The following GPT variants were observed in gnomAD, a reference collection of about 807,000 sequenced individuals.
GPT encodes the protein glutamic--pyruvic transaminase, also known as alanine aminotransferase 1.
GPT carries 60 observed loss-of-function variants against 51.4 expected under a neutral mutation model. That is an observed-to-expected ratio of 1.17 (90% CI 0.95 to 1.45). The LOEUF (loss-of-function observed/expected upper bound fraction) is 1.45. Among genes scored for constraint, GPT ranks in the 40% most tolerant of loss-of-function variants. The pLI, the probability that GPT is intolerant of heterozygous loss-of-function variation, is 0.00. For synonymous variants in GPT, 397 were observed against 303.1 expected (o/e 1.31, Z -3.22); for missense variants, 853 against 704.0 (o/e 1.21, Z -2.40).
rs369193887 is a variant in GPT at position 144,506,923 on chromosome 8, C to T, written c.1414C>T (p.Pro472Ser). Residue 472 changes from proline (P) to serine (S), a missense_variant, in exon 11 of 11, where the codon CCC (proline) becomes TCC (serine). Coordinates refer to ENST00000394955, the MANE Select transcript of GPT (RefSeq NM_005309.3). The surrounding 1 kb of genome is among the most constrained non-coding windows in gnomAD (Gnocchi z 7.0). ...AACTCCTTTCAGGATGACCATTCTG[C>T]CCCCCTTGGAGAAACTGCGGCTGCT... is the stretch of plus-strand genomic sequence containing the variant. ...GTYHFRMTIL[P>S]PLEKLRLLLE... is the part of the protein sequence containing the mutation. 12 of 1,612,788 alleles carry T rather than the reference C, an allele frequency of 7.4e-6. No homozygotes were observed. Among genetic ancestry groups the T allele is most frequent in the Non-Finnish European group, 1.0e-5 (12 of 1,179,798 alleles).
intron 5 of GPT, 62 bp from the exon 6 acceptor site, chr8:144,505,786 C>T: frequency 1.3e-6 from 2 of 1,484,030 alleles, no homozygotes; most frequent in Admixed American, 2.0e-5. Flanking sequence ...ACCCCGGCTG[C>T]CCAGCGGAGG....
rs1181886639 is a variant in GPT at position 144,507,052 on chromosome 8, C to A, written c.*52C>A. ...CGCCCTGGACTGTGTGCTCAGGAGC[C>A]CTGGGAGGCTCTGGAGCCCACTGTA... is the stretch of plus-strand genomic sequence containing the variant. On this transcript the variant is annotated 3_prime_UTR_variant, in exon 11 of 11. Coordinates refer to ENST00000394955, the MANE Select transcript of GPT (RefSeq NM_005309.3). The A allele has an allele frequency of 2.9e-6, 3 of 1,037,612 alleles. No homozygotes were observed. In the South Asian group the frequency reaches 3.7e-5, roughly 13 times the overall value. 64.3% of individuals were successfully genotyped at this position (1,037,612 alleles called of 1,614,324 possible).
At chr8:144,505,224 G>C in intron 4 of GPT, 22 bp from the exon 5 acceptor site, 1 of 1,611,006 alleles carries the variant, frequency 6.2e-7, no homozygotes, top group Non-Finnish European at 8.5e-7. Context: ...CGCCAACCCT[G>C]CCTTCCCCTT....
chr8:144,504,405 A>G lies in GPT; in HGVS notation c.101A>G (p.Glu34Gly), dbSNP rs753986303. Residue 34 changes from glutamate to glycine, a missense_variant, in exon 1 of 11, where the codon GAG becomes GGG. Coordinates refer to ENST00000394955, the MANE Select transcript of GPT (RefSeq NM_005309.3). The part of the protein sequence containing the change: ...DGMNPRVRRV[E>G]YAVRGPIVQR... ...ATGAACCCGCGTGTGCGGAGAGTGGAGTACGCAGTGCGTGGCCCCATAGTG... is the reference window on the plus strand; with the variant it reads ...ATGAACCCGCGTGTGCGGAGAGTGGGGTACGCAGTGCGTGGCCCCATAGTG... 3.7e-6 allele frequency: 6 copies of G among 1,611,586 alleles called. No individual in the cohort carries two copies. Among genetic ancestry groups the G allele is most frequent in the Non-Finnish European group, 5.1e-6 (6 of 1,179,952 alleles).
chr8:144,504,254 T>C lies in GPT; in HGVS notation c.-51T>C, dbSNP rs749227363. 2.5e-6 allele frequency: 4 copies of C among 1,589,702 alleles called. No individual in the cohort carries two copies. In the African/African-American group the frequency reaches 5.4e-5, roughly 21 times the overall value. ...AGACCCAGCTGTCGCCATTCCCACTTCTGGTCCTGCCACCTCCTGAGCTGC... is the reference window on the plus strand; with the variant it reads ...AGACCCAGCTGTCGCCATTCCCACTCCTGGTCCTGCCACCTCCTGAGCTGC... On this transcript the variant is annotated 5_prime_UTR_variant, in exon 1 of 11. Coordinates refer to ENST00000394955, the MANE Select transcript of GPT (RefSeq NM_005309.3).
rs1586774312 is a variant in GPT, at chr8:144,505,898, G to A, written c.790G>A (p.Glu264Lys). 1 of 1,596,936 alleles carries A rather than the reference G, an allele frequency of 6.3e-7. No individual in the cohort carries two copies. The highest frequency in any genetic ancestry group is 8.5e-7 in the Non-Finnish European group (1 of 1,172,552). Residue 264 changes from glutamate to lysine, a missense_variant, in exon 6 of 11, where the codon GAA becomes AAA. Transcript: ENST00000394955. ...CIEAVIRFAFEERLFLLADEV... is the reference protein window; with the variant it reads ...CIEAVIRFAFKERLFLLADEV... ...CGAGGCCGTGATCCGCTTCGCCTTC[G>A]AAGAGCGGCTCTTTCTGCTGGCGGA...
rs1408904418 is a variant in GPT, at chr8:144,504,238, T to C, written c.-67T>C. On this transcript the variant is annotated 5_prime_UTR_variant, in exon 1 of 11. Transcript: ENST00000394955. The stretch of plus-strand genomic sequence containing the variant: ...CCTGGCCCACTAAGCCAGACCCAGC[T>C]GTCGCCATTCCCACTTCTGGTCCTG... 1 of 1,551,292 alleles carries C rather than the reference T, an allele frequency of 6.4e-7. No individual in the cohort carries two copies. Among genetic ancestry groups the C allele is most frequent in the East Asian group, 2.3e-5 (1 of 43,854 alleles).
upstream of GPT, chr8:144,504,029 C>A (rs1564776108): frequency 1.9e-6 from 1 of 537,074 alleles, no homozygotes; most frequent in Non-Finnish European, 3.4e-6. Context: ...TGCCCCAAGC[C>A]CCGCCTGCCA....
In GPT at chr8:144,504,886, G is replaced by C. The variant is rs1236882800; in HGVS notation, c.361+7G>C. On this transcript the variant is annotated splice_region_variant and intron_variant, in intron 3 of 10. Transcript: ENST00000394955. The stretch of plus-strand genomic sequence containing the variant: ...TGTGGGGGCCACAGTCTGGGTGAGA[G>C]CCAGGGCCAGGAGGAAGCAGAGGGC... The C allele has an allele frequency of 6.2e-7, 1 of 1,613,040 alleles. No homozygotes were observed. The highest frequency in any genetic ancestry group is 1.3e-5 in the African/African-American group (1 of 75,070).
In GPT at chr8:144,506,307, G is replaced by A. The variant is rs1450099948; in HGVS notation, c.1032G>A (p.Met344Ile). The change falls in exon 8 of 11, where the codon ATG becomes ATA. Residue 344 changes from methionine (M) to isoleucine (I), a missense_variant. By Grantham distance (10) the Met-to-Ile change is conservative. Coordinates refer to ENST00000394955, the MANE Select transcript of GPT (RefSeq NM_005309.3). The surrounding 1 kb of genome is among the most constrained non-coding windows in gnomAD (Gnocchi z 7.0). Reference protein sequence around the residue: ...AAVQQQMLKLMSVRLCPPVPG... With the variant: ...AAVQQQMLKLISVRLCPPVPG... ...TGCAGCAGCAGATGCTGAAGCTGAT[G>A]AGTGTGCGGCTGTGCCCGCCGGTGC... 6 of 1,582,344 alleles carry A rather than the reference G, an allele frequency of 3.8e-6. No homozygotes were observed. Among genetic ancestry groups the A allele is most frequent in the South Asian group, 1.1e-5 (1 of 88,742 alleles).
In GPT at chr8:144,504,604, G is replaced by A. The variant is rs1157469701; in HGVS notation, c.163G>A (p.Gly55Ser). ...ALELEQELRQ[G>S]VKKPFTEVIR... ...CCTGCCTGCTCCCCTCCCCTCCCAG[G>A]GTGTGAAGAAGCCTTTCACCGAGGT... The change falls in exon 2 of 11, where the codon GGT (glycine) becomes AGT (serine). Residue 55 changes from glycine to serine, a missense_variant and splice_region_variant. By Grantham distance (56) the Gly-to-Ser change is moderately conservative (BLOSUM62 0). Coordinates refer to ENST00000394955, the MANE Select transcript of GPT (RefSeq NM_005309.3). 16 of 1,612,862 alleles carry A rather than the reference G, an allele frequency of 9.9e-6. No individual in the cohort carries two copies. The highest frequency in any genetic ancestry group is 6.6e-5 in the South Asian group (6 of 91,084).
At position 144,506,494 on chromosome 8, in the gene GPT, G is replaced by A. The variant is rs1383944420; in HGVS notation, c.1132-7G>A. ...TGCCCTGATGGGCCCTCCCTCCGCG[G>A]CCACAGGAGAAGCAGGCAGTGCTGG... is the stretch of plus-strand genomic sequence containing the variant. On this transcript the variant is annotated splice_region_variant and splice_polypyrimidine_tract_variant and intron_variant, in intron 8 of 10. Coordinates refer to ENST00000394955, the MANE Select transcript of GPT (RefSeq NM_005309.3). This position sits in a 1 kb window ranked among gnomAD's most constrained non-coding sequence, Gnocchi z 7.0. The A allele has an allele frequency of 6.3e-7, 1 of 1,594,670 alleles. No homozygotes were observed. The highest frequency in any genetic ancestry group is 1.8e-5 in the Admixed American group (1 of 57,086).
In GPT at chr8:144,506,722, C is replaced by T. The variant is rs778244305; in HGVS notation, c.1288-9C>T. Reference sequence around the variant, plus strand: ...CGGGCATCCCTCTCTGACGGCTCTCCGTCCACAGGAGCTGGGCCTGGCCCC... The same window carrying T: ...CGGGCATCCCTCTCTGACGGCTCTCTGTCCACAGGAGCTGGGCCTGGCCCC... On this transcript the variant is annotated splice_polypyrimidine_tract_variant and intron_variant, in intron 9 of 10. Transcript: ENST00000394955. The surrounding 1 kb of genome is among the most constrained non-coding windows in gnomAD (Gnocchi z 7.0). 20 of 1,610,050 alleles carry T rather than the reference C, an allele frequency of 1.2e-5. No individual in the cohort carries two copies. The highest frequency in any genetic ancestry group is 4.0e-5 in the African/African-American group (3 of 74,872).
chr8:144,506,775 G>A lies in GPT; in HGVS notation c.1332G>A (p.Leu444=). 1 of 1,612,506 alleles carries A rather than the reference G, an allele frequency of 6.2e-7. No homozygotes were observed. Among genetic ancestry groups the A allele is most frequent in the Non-Finnish European group, 8.5e-7 (1 of 1,179,968 alleles). The stretch of plus-strand genomic sequence containing the variant: ...ATATGTTCTTCTGCCTGCGCCTCCT[G>A]GAGGAGACCGGCATCTGCGTGGTGC... The part of the protein sequence containing the change: ...APDMFFCLRL[L]EETGICVVPG... The change falls in exon 10 of 11, where the codon CTG becomes CTA. Residue 444 remains leucine (L), a synonymous_variant. Coordinates refer to ENST00000394955, the MANE Select transcript of GPT (RefSeq NM_005309.3). The surrounding 1 kb of genome is among the most constrained non-coding windows in gnomAD (Gnocchi z 7.0).
chr8:144,505,303 C>T lies in GPT; in HGVS notation c.553C>T (p.Pro185Ser), dbSNP rs951810643. 8 of 1,572,198 alleles carry T rather than the reference C, an allele frequency of 5.1e-6. No individual in the cohort carries two copies. The Admixed American group carries it at 5.6e-5, about 11-fold the overall frequency. The change falls in exon 5 of 11, where the codon CCC (proline) becomes TCC (serine). Residue 185 changes from proline (P) to serine (S), a missense_variant. Transcript: ENST00000394955. Reference protein sequence around the residue: ...EGHTRTGVLIPIPQYPLYSAT... With the variant: ...EGHTRTGVLISIPQYPLYSAT... ...CCACACACGCACGGGTGTGCTCATCCCCATCCCCCAGTACCCACTCTACTC... is the reference window on the plus strand; with the variant it reads ...CCACACACGCACGGGTGTGCTCATCTCCATCCCCCAGTACCCACTCTACTC...
upstream of GPT, chr8:144,503,868 C>G (rs1826651772): frequency 8.5e-6 from 2 of 235,938 alleles, no homozygotes; most frequent in Non-Finnish European, 1.7e-5. Flanking sequence ...TGCTGGGCAC[C>G]CCTTCACCTC....
Position 144,504,219 on chromosome 8 carries a change from C to T in GPT, c.-86C>T, listed in dbSNP as rs886994522. ...ACGGCTGCCCCCTCCCAGCCCTGGC[C>T]CACTAAGCCAGACCCAGCTGTCGCC... On this transcript the variant is annotated 5_prime_UTR_variant, in exon 1 of 11. Coordinates refer to ENST00000394955, the MANE Select transcript of GPT (RefSeq NM_005309.3). 6.9e-7 allele frequency: 1 copy of T among 1,447,872 alleles called. No individual in the cohort carries two copies. Among genetic ancestry groups the T allele is most frequent in the Non-Finnish European group, 9.4e-7 (1 of 1,059,942 alleles). 89.7% of individuals were successfully genotyped at this position (1,447,872 alleles called of 1,614,324 possible). A position where few individuals can be genotyped will look rare whatever the true frequency, so the allele number is the denominator to read the frequency against.
At position 144,507,107 on chromosome 8, in the gene GPT, G is replaced by C. The variant is rs552558111; in HGVS notation, c.*107G>C. 1 of 667,392 alleles carries C rather than the reference G, an allele frequency of 1.5e-6. No individual in the cohort carries two copies. The highest frequency in any genetic ancestry group is 3.0e-5 in the East Asian group (1 of 33,698). 41.3% of individuals were successfully genotyped at this position (667,392 alleles called of 1,614,324 possible). ...CTCTTGATGCCTGGCGGGGTGGGGTGGGGGGGGTGCTGGGCCCCTGCCTCT... is the reference window on the plus strand; with the variant it reads ...CTCTTGATGCCTGGCGGGGTGGGGTCGGGGGGGTGCTGGGCCCCTGCCTCT... On this transcript the variant is annotated 3_prime_UTR_variant, in exon 11 of 11. Coordinates refer to ENST00000394955, the MANE Select transcript of GPT (RefSeq NM_005309.3).
Position 144,506,131 on chromosome 8 carries a change from A to C in GPT, c.956A>C (p.Glu319Ala), listed in dbSNP as rs760842726. The C allele has an allele frequency of 1.9e-5, 31 of 1,611,604 alleles. No homozygotes were observed. The highest frequency in any genetic ancestry group is 2.5e-5 in the Non-Finnish European group (30 of 1,179,284). Residue 319 changes from glutamate to alanine, a missense_variant and splice_region_variant, in exon 7 of 11, where the codon GAG becomes GCG. By Grantham distance (107) the Glu-to-Ala change is moderately radical (BLOSUM62 -1). Coordinates refer to ENST00000394955, the MANE Select transcript of GPT (RefSeq NM_005309.3). This position sits in a 1 kb window ranked among gnomAD's most constrained non-coding sequence, Gnocchi z 7.0. ...TCCACCTCCAAGGGCTACATGGGCG[A>C]GTGCGTGCGTACGAGGCGGGTGGGG... ...FHSTSKGYMG[E>A]CGFRGGYVEV...
Sources: gnomAD v4.1 joint callset for allele counts on GRCh38, gnomAD v4.1.1 for gene constraint, Gnocchi (gnomAD v3.1) non-coding constraint, MANE v1.5 for transcripts, NCBI Gene and HGNC (gene_info 2026-07-23, HGNC 2026-07-21) for gene names.